CDC42EP1: variants seen among roughly 807,000 people sequenced by gnomAD.
CDC42EP1 encodes CDC42 effector protein 1, also known as 55 kDa bone marrow stromal/endothelial cell protein.
Under a neutral mutation model 7.4 loss-of-function variants are expected in CDC42EP1, and 6 were observed. The observed-to-expected ratio is 0.81, with a 90% CI of 0.44 to 1.60. The LOEUF (loss-of-function observed/expected upper bound fraction) is 1.60, where lower values mean the gene tolerates loss of function less well. CDC42EP1 is among the 40% of genes most tolerant of loss of function. The probability of loss-of-function intolerance (pLI) is 0.01; values close to 1 mark genes in which losing one functional copy is unlikely to be tolerated. For missense variants in CDC42EP1, 567 were observed against 539.0 expected, an observed-to-expected ratio of 1.05 and a Z score of -0.51; for synonymous variants, 238 against 227.1, an observed-to-expected ratio of 1.05 and a Z score of -0.43.
intron 1 of CDC42EP1, among the ~76,000 whole-genome samples, chr22:37,562,412 A>G (rs1157702489): frequency 6.6e-6 from 1 of 152,176 alleles, no homozygotes; most frequent in Non-Finnish European, 1.5e-5. Flanking sequence ...GTTGGCAGCA[A>G]GTGCCACGTG....
At chr22:37,563,144 G>A (rs1027867698) in intron 1 of CDC42EP1, among the ~76,000 whole-genome samples, 2 of 151,990 alleles carry the variant, frequency 1.3e-5, no homozygotes, top group African/African-American at 4.8e-5. Flanking sequence ...AGCTGGGGTG[G>A]GAGCAAGTGG....
rs375494421 is a variant in CDC42EP1 at position 37,568,954 on chromosome 22, A to G, written c.*134A>G. 27 of 542,766 alleles carry G rather than the reference A, an allele frequency of 5.0e-5. No individual in the cohort carries two copies. The highest frequency in any genetic ancestry group is 3.9e-4 in the African/African-American group (20 of 51,434). 33.6% of individuals were successfully genotyped at this position (542,766 alleles called of 1,614,324 possible). On this transcript the variant is annotated 3_prime_UTR_variant, in exon 3 of 3. Coordinates refer to ENST00000249014, the MANE Select transcript of CDC42EP1 (RefSeq NM_152243.3). ...CCCTCCCCACCTCTGCAGGACAGACATGGGAGGGAGGACAGGGAAGGCCAG... is the reference window on the plus strand; with the variant it reads ...CCCTCCCCACCTCTGCAGGACAGACGTGGGAGGGAGGACAGGGAAGGCCAG...
At position 37,568,715 on chromosome 22, in the gene CDC42EP1, G is replaced by A. The variant is rs762171808; in HGVS notation, c.1071G>A (p.Glu357=). 5 of 1,529,374 alleles carry A rather than the reference G, an allele frequency of 3.3e-6. No homozygotes were observed. Among genetic ancestry groups the A allele is most frequent in the South Asian group, 1.3e-5 (1 of 77,444 alleles). The allele number at this position is 1,529,374 out of a possible 1,614,324, so 94.7% of individuals were successfully genotyped here. The change falls in exon 3 of 3, where the codon GAG becomes GAA. Residue 357 remains glutamate, a synonymous_variant. Transcript: ENST00000249014. The stretch of plus-strand genomic sequence containing the variant: ...CCTCCTGGGAGAGCCTGGACGAAGA[G>A]TGGAGGGCGCCCCAGGCAGGCAGCA... ...ARASWESLDE[E]WRAPQAGSRT...
intron 1 of CDC42EP1, among the ~76,000 whole-genome samples, chr22:37,562,848 T>C (rs965736036): frequency 1.3e-5 from 2 of 152,098 alleles, no homozygotes; most frequent in Non-Finnish European, 2.9e-5. Flanking sequence ...TGGTTCACAC[T>C]TGTAATCCCA....
intron 1 of CDC42EP1, chr22:37,563,507 G>A (rs759929494): frequency 3.3e-5 from 5 of 152,240 alleles, no homozygotes; most frequent in Non-Finnish European, 5.9e-5. Context: ...CCCCCCACGA[G>A]GGGGAGGAGT....
chr22:37,566,820 C>T lies in CDC42EP1; in HGVS notation c.463+8C>T. The T allele has an allele frequency of 6.5e-7, 1 of 1,534,834 alleles. No individual in the cohort carries two copies. Among genetic ancestry groups the T allele is most frequent in the Non-Finnish European group, 8.7e-7 (1 of 1,142,932 alleles). Reference sequence around the variant, plus strand: ...ACGGCCACTCCAGCTACGGTGAGGGCCTGGGCCATCTTGGCCCACTTTTCA... The same window carrying T: ...ACGGCCACTCCAGCTACGGTGAGGGTCTGGGCCATCTTGGCCCACTTTTCA... On this transcript the variant is annotated splice_region_variant and intron_variant, in intron 2 of 2. Transcript: ENST00000249014. This position sits in a 1 kb window ranked among gnomAD's most constrained non-coding sequence, Gnocchi z 6.4.
chr22:37,568,117 CTG>C lies in CDC42EP1; in HGVS notation c.474_475del (p.Gly159ValfsTer15), dbSNP rs1247496234. On this transcript the variant is annotated frameshift_variant, in exon 3 of 3. Transcript: ENST00000249014. LOFTEE classifies it low-confidence loss of function (END_TRUNC). ...CCCATTTCTCTTCTAGGCCTGGACT[CTG>C]GGTTCTGCACCATCTCCCGCCTGCC... The C allele has an allele frequency of 6.2e-7, 1 of 1,612,344 alleles. No homozygotes were observed. The highest frequency in any genetic ancestry group is 1.3e-5 in the African/African-American group (1 of 75,010).
chr22:37,566,829 T>C lies in CDC42EP1; in HGVS notation c.463+17T>C. The C allele has an allele frequency of 6.6e-7, 1 of 1,518,280 alleles. No homozygotes were observed. Among genetic ancestry groups the C allele is most frequent in the East Asian group, 2.3e-5 (1 of 43,738 alleles). 94.1% of individuals were successfully genotyped at this position (1,518,280 alleles called of 1,614,324 possible). On this transcript the variant is annotated intron_variant, in intron 2 of 2. Coordinates refer to ENST00000249014, the MANE Select transcript of CDC42EP1 (RefSeq NM_152243.3). The surrounding 1 kb of genome is among the most constrained non-coding windows in gnomAD (Gnocchi z 6.4). ...CCAGCTACGGTGAGGGCCTGGGCCA[T>C]CTTGGCCCACTTTTCAGAGGCTGAG... is the stretch of plus-strand genomic sequence containing the variant.
In CDC42EP1 at chr22:37,568,828, G is replaced by C; in HGVS notation, c.*8G>C. On this transcript the variant is annotated 3_prime_UTR_variant, in exon 3 of 3. Coordinates refer to ENST00000249014, the MANE Select transcript of CDC42EP1 (RefSeq NM_152243.3). ...GATGAGGTCAAGGTGTGAGGGGCTG[G>C]GGCACGGTCCCAGGGCCCCACCTAG... 1 of 1,460,222 alleles carries C rather than the reference G, an allele frequency of 6.8e-7. No homozygotes were observed. Among genetic ancestry groups the C allele is most frequent in the East Asian group, 2.4e-5 (1 of 41,288 alleles). The allele number at this position is 1,460,222 out of a possible 1,614,324, so 90.5% of individuals were successfully genotyped here. A position where few individuals can be genotyped will look rare whatever the true frequency, so the allele number is the denominator to read the frequency against.
intron 1 of CDC42EP1, chr22:37,565,470 A>G (rs1035177959): frequency 2.6e-5 from 4 of 151,066 alleles, no homozygotes; most frequent in Non-Finnish European, 5.9e-5. Flanking sequence ...AGCTCAATGA[A>G]TTATTTGTCC....
In CDC42EP1 at chr22:37,568,540, A is replaced by G. The variant is rs775040684; in HGVS notation, c.896A>G (p.Glu299Gly). 10 of 1,609,506 alleles carry G rather than the reference A, an allele frequency of 6.2e-6. No individual in the cohort carries two copies. The highest frequency in any genetic ancestry group is 8.5e-6 in the Non-Finnish European group (10 of 1,178,212). ...GVTAGLGPVA[E>G]VKSSPVGGGP... ...ACAGCTGGGTTGGGCCCAGTGGCTG[A>G]GGTGAAGTCCAGCCCAGTGGGAGGG... Residue 299 changes from glutamate (E) to glycine (G), a missense_variant, in exon 3 of 3, where the codon GAG becomes GGG. By Grantham distance (98) the Glu-to-Gly change is moderately conservative (BLOSUM62 -2). Transcript: ENST00000249014.
Position 37,564,848 on chromosome 22 carries a change from G to A in CDC42EP1, c.-278-1224G>A, listed in dbSNP as rs559349031. Among the ~76,000 whole-genome samples the A allele has an allele frequency of 1.1e-4, 17 of 152,268 alleles. No individual in the cohort carries two copies. The East Asian group carries it at 2.3e-3, about 21-fold the overall frequency. On this transcript the variant is annotated intron_variant, in intron 1 of 2. Coordinates refer to ENST00000249014, the MANE Select transcript of CDC42EP1 (RefSeq NM_152243.3). The stretch of plus-strand genomic sequence containing the variant: ...GGCTGGAGTGCAGTGGCGCAATCTC[G>A]GCTCACTGCAACCTCTGCCTCCCGG...
Position 37,568,225 on chromosome 22 carries a change from T to C in CDC42EP1, c.581T>C (p.Leu194Ser), listed in dbSNP as rs775592056. ...GGGCTTCGCCGCTCTGACTCTCTCT[T>C]GTCCTTCCGCCTGGACCTCGACCTT... ...EPGLRRSDSL[L>S]SFRLDLDLGP... Residue 194 changes from leucine (L) to serine (S), a missense_variant, in exon 3 of 3, where the codon TTG (leucine) becomes TCG (serine). Coordinates refer to ENST00000249014, the MANE Select transcript of CDC42EP1 (RefSeq NM_152243.3). 1.2e-6 allele frequency: 2 copies of C among 1,613,850 alleles called. No homozygotes were observed. The highest frequency in any genetic ancestry group is 1.1e-5 in the South Asian group (1 of 91,080).
At chr22:37,563,699 A>G (rs192755621) in intron 1 of CDC42EP1, 1 of 152,362 alleles carries the variant, frequency 6.6e-6, no homozygotes, top group East Asian at 1.9e-4. Context: ...TGGTTTTAAA[A>G]AAGGAAGAAG....
rs757076420 is a variant in CDC42EP1 at position 37,568,244 on chromosome 22, C to T, written c.600C>T (p.Leu200=). ...SDSLLSFRLD[L]DLGPSLLSEL... is the part of the protein sequence containing the mutation. ...CTCTCTTGTCCTTCCGCCTGGACCT[C>T]GACCTTGGGCCCTCACTCCTCAGCG... is the stretch of plus-strand genomic sequence containing the variant. Residue 200 remains leucine, a synonymous_variant, in exon 3 of 3, where the codon CTC becomes CTT. Transcript: ENST00000249014. 126 of 1,613,672 alleles carry T rather than the reference C, an allele frequency of 7.8e-5. No homozygotes were observed. The highest frequency in any genetic ancestry group is 1.6e-4 in the Middle Eastern group (1 of 6,084).
chr22:37,568,714 AGT>A lies in CDC42EP1; in HGVS notation c.1072_1073del (p.Trp358GlufsTer21), dbSNP rs1189047876. 32 of 1,529,060 alleles carry A rather than the reference AGT, an allele frequency of 2.1e-5. No homozygotes were observed. Among genetic ancestry groups the A allele is most frequent in the Non-Finnish European group, 2.8e-5 (32 of 1,139,084 alleles). The allele number at this position is 1,529,060 out of a possible 1,614,324, so 94.7% of individuals were successfully genotyped here. On this transcript the variant is annotated frameshift_variant, in exon 3 of 3. Coordinates refer to ENST00000249014, the MANE Select transcript of CDC42EP1 (RefSeq NM_152243.3). LOFTEE classifies it high-confidence loss of function. The stretch of plus-strand genomic sequence containing the variant: ...GCCTCCTGGGAGAGCCTGGACGAAG[AGT>A]GGAGGGCGCCCCAGGCAGGCAGCAG...
rs749469140 is a variant in CDC42EP1 at position 37,568,375 on chromosome 22, A to G, written c.731A>G (p.Asn244Ser). Residue 244 changes from asparagine (N) to serine (S), a missense_variant, in exon 3 of 3, where the codon AAC becomes AGC. Coordinates refer to ENST00000249014, the MANE Select transcript of CDC42EP1 (RefSeq NM_152243.3). ...GCAAACCCCACGGGTCCTGCTGCAA[A>G]CCCCCCAGCCACTACTGCAAACCCC... Reference protein sequence around the residue: ...PTANPTGPAANPPATTANPPA... With the variant: ...PTANPTGPAASPPATTANPPA... The G allele has an allele frequency of 7.0e-7, 1 of 1,433,028 alleles. No individual in the cohort carries two copies. The highest frequency in any genetic ancestry group is 1.5e-5 in the African/African-American group (1 of 67,462). The allele number at this position is 1,433,028 out of a possible 1,614,324, so 88.8% of individuals were successfully genotyped here.
Position 37,566,686 on chromosome 22 carries a change from T to A in CDC42EP1, c.337T>A (p.Ser113Thr). 1.9e-6 allele frequency: 3 copies of A among 1,609,916 alleles called. No homozygotes were observed. Among genetic ancestry groups the A allele is most frequent in the Non-Finnish European group, 1.7e-6 (2 of 1,177,884 alleles). Reference protein sequence around the residue: ...PAPSPAPPAISPIIKNAISLP... With the variant: ...PAPSPAPPAITPIIKNAISLP... ...ACCCTCCCCGGCTCCACCGGCCATC[T>A]CCCCCATCATCAAGAACGCCATCTC... The change falls in exon 2 of 3, where the codon TCC becomes ACC. Residue 113 changes from serine (S) to threonine (T), a missense_variant. Ser to Thr is a moderately conservative substitution (Grantham distance 58, BLOSUM62 1). Transcript: ENST00000249014. The surrounding 1 kb of genome is among the most constrained non-coding windows in gnomAD (Gnocchi z 6.4).
Position 37,568,763 on chromosome 22 carries a change from G to T in CDC42EP1, c.1119G>T (p.Val373=). The change falls in exon 3 of 3, where the codon GTG becomes GTT. Residue 373 remains valine (V), a synonymous_variant. Transcript: ENST00000249014. The stretch of plus-strand genomic sequence containing the variant: ...GCAGGACCCCAGTGCCCAGCACAGT[G>T]CAAGCAAACACCTTTGAATTTGCGG... ...AGSRTPVPST[V]QANTFEFADA... is the part of the protein sequence containing the mutation. 1 of 1,507,318 alleles carries T rather than the reference G, an allele frequency of 6.6e-7. No homozygotes were observed. The highest frequency in any genetic ancestry group is 8.9e-7 in the Non-Finnish European group (1 of 1,127,986). The allele number at this position is 1,507,318 out of a possible 1,614,324, so 93.4% of individuals were successfully genotyped here.
Sources: gnomAD v4.1 joint callset for allele counts (sites outside exome capture counted in the v4.1 genomes callset) on GRCh38, gnomAD v4.1.1 for gene constraint, Gnocchi (gnomAD v3.1) non-coding constraint, MANE v1.5 for transcripts, NCBI Gene and HGNC (gene_info 2026-07-23, HGNC 2026-07-21) for gene names.